Variants in STX8 observed in about 807,000 individuals in gnomAD.
STX8 encodes syntaxin-8.
A neutral mutation model predicts 37.5 loss-of-function variants in STX8; 23 were observed. That is an observed-to-expected ratio of 0.61 (90% CI 0.44 to 0.87). The LOEUF (loss-of-function observed/expected upper bound fraction) is 0.87. Among genes scored for constraint, STX8 ranks in the 40% least tolerant of loss-of-function variants. The probability of loss-of-function intolerance (pLI) is 0.00; values close to 1 mark genes in which losing one functional copy is unlikely to be tolerated. For missense variants in STX8, 313 were observed against 284.7 expected (o/e 1.10, Z -0.71); for synonymous variants, 115 against 99.1 (o/e 1.16, Z -0.95).
chr17:9,392,194 T>C (rs914031606), intron 6 of STX8, among the ~76,000 whole-genome samples: 1 of 152,130 alleles, frequency 6.6e-6, no homozygotes, highest in Non-Finnish European at 1.5e-5. Flanking sequence ...ATAATCAAAA[T>C]GTCCAGGATA....
At chr17:9,531,203 A>G (rs1905805923) in intron 4 of STX8, among the ~76,000 whole-genome samples, 1 of 152,212 alleles carries the variant, frequency 6.6e-6, no homozygotes, top group Non-Finnish European at 1.5e-5. Context: ...ATAACTGGTC[A>G]TGTGAGTCCT....
chr17:9,491,277 CT>C (rs1906841417), intron 6 of STX8, among the ~76,000 whole-genome samples: 1 of 147,366 alleles, frequency 6.8e-6, no homozygotes, highest in African/African-American at 2.6e-5. Context: ...CTTTCTGCCC[CT>C]ACAACCCATC....
intron 2 of STX8, among the ~76,000 whole-genome samples, chr17:9,558,268 A>G (rs1192534631): frequency 6.6e-6 from 1 of 152,238 alleles, no homozygotes; most frequent in Non-Finnish European, 1.5e-5. Context: ...TATGTTAAAA[A>G]CACAGAATAC....
At chr17:9,448,980 A>G (rs1057112205) in intron 6 of STX8, among the ~76,000 whole-genome samples, 3 of 152,216 alleles carry the variant, frequency 2.0e-5, no homozygotes, top group Non-Finnish European at 4.4e-5. Context: ...GATTAAAAAA[A>G]TTTCTAAAAT....
intron 6 of STX8, among the ~76,000 whole-genome samples, chr17:9,402,286 AT>A (rs1354558749): frequency 1.3e-5 from 2 of 151,786 alleles, no homozygotes; most frequent in Admixed American, 6.6e-5. Flanking sequence ...TGTCTGGCAA[AT>A]TTTTTGTATT....
chr17:9,395,006 G>A (rs1237009086), intron 6 of STX8, among the ~76,000 whole-genome samples: 5 of 151,374 alleles, frequency 3.3e-5, no homozygotes, highest in African/African-American at 1.2e-4. Flanking sequence ...AACCCGGGAG[G>A]CAGAGGTTGC....
intron 4 of STX8, among the ~76,000 whole-genome samples, chr17:9,516,353 T>C (rs1905162113): frequency 1.0e-5 from 1 of 96,610 alleles, no homozygotes; most frequent in Admixed American, 1.1e-4. Context: ...AGACACCTGT[T>C]AGAAAATAAA....
At chr17:9,427,780 T>A (rs1191753476) in intron 6 of STX8, among the ~76,000 whole-genome samples, 1 of 152,132 alleles carries the variant, frequency 6.6e-6, no homozygotes, top group Non-Finnish European at 1.5e-5. Context: ...GGCTAGCGGG[T>A]GCCTGTCCTG....
At chr17:9,562,100 A>AT (rs1280894629) in intron 2 of STX8, among the ~76,000 whole-genome samples, 10 of 36,794 alleles carry the variant, frequency 2.7e-4, no homozygotes, top group Non-Finnish European at 9.5e-4. Context: ...AGCCAACTTC[A>AT]TTTAAAAAAA....
intron 4 of STX8, among the ~76,000 whole-genome samples, chr17:9,510,583 G>A (rs942178884): frequency 2.6e-5 from 4 of 151,996 alleles, no homozygotes; most frequent in Non-Finnish European, 5.9e-5. Context: ...TGAAAATAGA[G>A]GCACAACATA....
intron 6 of STX8, among the ~76,000 whole-genome samples, chr17:9,486,953 T>G (rs527892780): frequency 6.6e-5 from 10 of 152,220 alleles, no homozygotes; most frequent in Non-Finnish European, 1.3e-4. Flanking sequence ...AGCACTAGAA[T>G]TTGTGGCTGC....
At chr17:9,523,040 C>T (rs1231337123) in intron 4 of STX8, among the ~76,000 whole-genome samples, 3 of 151,894 alleles carry the variant, frequency 2.0e-5, no homozygotes, top group Admixed American at 6.6e-5. Flanking sequence ...AAGCCAGGCT[C>T]GGTGGCTCTC....
chr17:9,535,159 AT>A (rs1905977481), intron 4 of STX8, among the ~76,000 whole-genome samples: 1 of 152,110 alleles, frequency 6.6e-6, no homozygotes. Flanking sequence ...GCACAGGAGA[AT>A]TTCTTTATAA....
chr17:9,304,481 C>T (rs1399531733), intron 7 of STX8, among the ~76,000 whole-genome samples: 1 of 142,658 alleles, frequency 7.0e-6, no homozygotes, highest in Non-Finnish European at 1.5e-5. Flanking sequence ...TGCACTCCAG[C>T]CTGGGCAACA....
intron 4 of STX8, among the ~76,000 whole-genome samples, chr17:9,516,532 T>C (rs1361515740): frequency 1.3e-5 from 2 of 151,682 alleles, no homozygotes; most frequent in African/African-American, 4.8e-5. Flanking sequence ...ACTTTCCTGA[T>C]GCCCCAAACC....
At chr17:9,446,115 C>T (rs1381125725) in intron 6 of STX8, among the ~76,000 whole-genome samples, 2 of 152,092 alleles carry the variant, frequency 1.3e-5, no homozygotes, top group Admixed American at 6.5e-5. Context: ...GGATTACAGG[C>T]GTGAGCCACT....
At chr17:9,524,584 T>A (rs918473926) in intron 4 of STX8, among the ~76,000 whole-genome samples, 6 of 152,158 alleles carry the variant, frequency 3.9e-5, no homozygotes, top group African/African-American at 1.4e-4. Context: ...AGGACACTAC[T>A]ATTCAGACCA....
chr17:9,395,680 C>T (rs930786487), intron 6 of STX8, among the ~76,000 whole-genome samples: 15 of 152,160 alleles, frequency 9.9e-5, no homozygotes, highest in Non-Finnish European at 2.9e-5. Context: ...TGAAGGCATC[C>T]TTTATACGGT....
intron 7 of STX8, among the ~76,000 whole-genome samples, chr17:9,300,662 A>AGTT (rs1908738864): frequency 6.6e-6 from 1 of 152,082 alleles, no homozygotes; most frequent in Non-Finnish European, 1.5e-5. Flanking sequence ...TGGCGTTCTT[A>AGTT]GTTTTTCAGT....
Sources: allele counts gnomAD v4.1 joint callset (sites outside exome capture counted in the v4.1 genomes callset), GRCh38; gene constraint gnomAD v4.1.1; transcripts MANE v1.5; gene names NCBI Gene and HGNC (gene_info 2026-07-23, HGNC 2026-07-21).